The following TMEM259 variants were observed in gnomAD, a reference collection of about 807,000 sequenced individuals.
The protein encoded by TMEM259 is membralin.
TMEM259 carries 26 observed loss-of-function variants against 46.7 expected under a neutral mutation model. The ratio of observed to expected loss-of-function variants is 0.56; its 90% CI spans 0.41 to 0.77. The LOEUF (loss-of-function observed/expected upper bound fraction) is 0.77, where lower values mean the gene tolerates loss of function less well. Among genes scored for constraint, TMEM259 ranks in the 30% least tolerant of loss-of-function variants. TMEM259 has a pLI of 0.00. For synonymous variants in TMEM259, 494 were observed against 395.1 expected (o/e 1.25, Z -2.97); for missense variants, 930 against 900.5 (o/e 1.03, Z -0.42).
Position 1,010,302 on chromosome 19 carries a change from A to G in TMEM259, c.*48T>C. ...CCTCCCCCACCCCCACGGGCTCGGG[A>G]AGGTCAGGCCCAGCCAGCAGGGGTC... On this transcript the variant is annotated 3_prime_UTR_variant, in exon 11 of 11. Coordinates refer to ENST00000356663, the MANE Select transcript of TMEM259 (RefSeq NM_001033026.2). 7.1e-7 allele frequency: 1 copy of G among 1,402,904 alleles called. No homozygotes were observed. Among genetic ancestry groups the G allele is most frequent in the Non-Finnish European group, 9.2e-7 (1 of 1,082,540 alleles). 86.9% of individuals were successfully genotyped at this position (1,402,904 alleles called of 1,614,324 possible). A position where few individuals can be genotyped will look rare whatever the true frequency, so the allele number is the denominator to read the frequency against.
rs934556570 is a variant in TMEM259 at position 1,015,036 on chromosome 19, C to A, written c.226-563G>T. On this transcript the variant is annotated intron_variant, in intron 1 of 10. Coordinates refer to ENST00000356663, the MANE Select transcript of TMEM259 (RefSeq NM_001033026.2). ...CCTCCACAGCCCAACCTGCTGCTTCCTGCCTCACCTTCCGCTGCGTCCCCA... is the reference window on the plus strand; with the variant it reads ...CCTCCACAGCCCAACCTGCTGCTTCATGCCTCACCTTCCGCTGCGTCCCCA... Among the ~76,000 whole-genome samples the A allele has an allele frequency of 2.0e-5, 3 of 152,248 alleles. No homozygotes were observed. The South Asian group carries it at 6.2e-4, about 31-fold the overall frequency.
chr19:1,019,619 G>T (rs369551439), intron 1 of TMEM259, among the ~76,000 whole-genome samples: 1 of 152,158 alleles, frequency 6.6e-6, no homozygotes, highest in African/African-American at 2.4e-5. Flanking sequence ...AGGTCCGCAG[G>T]ACGGCCAAGG....
chr19:1,011,005 G>A, intron 10 of TMEM259, 91 bp downstream of exon 10: 2 of 1,544,602 alleles, frequency 1.3e-6, no homozygotes, highest in South Asian at 1.2e-5. Context: ...GCCCGCTTGG[G>A]CCGACCCCAC....
In TMEM259 at chr19:1,013,335, C is replaced by T; in HGVS notation, c.513G>A (p.Glu171=). Residue 171 remains glutamate, a synonymous_variant, in exon 3 of 11, where the codon GAG becomes GAA. Coordinates refer to ENST00000356663, the MANE Select transcript of TMEM259 (RefSeq NM_001033026.2). Reference sequence around the variant, plus strand: ...TGAACACCTTGGGCTCGATGTCCAGCTCAAACTGTGGGCGACCAGGGACCT... The same window carrying T: ...TGAACACCTTGGGCTCGATGTCCAGTTCAAACTGTGGGCGACCAGGGACCT... ...EMFGNSSIKF[E]LDIEPKVFKP... 1 of 1,613,484 alleles carries T rather than the reference C, an allele frequency of 6.2e-7. No individual in the cohort carries two copies. The highest frequency in any genetic ancestry group is 8.5e-7 in the Non-Finnish European group (1 of 1,179,644).
chr19:1,015,420 C>T (rs2039075662), intron 1 of TMEM259, among the ~76,000 whole-genome samples: 1 of 152,212 alleles, frequency 6.6e-6, no homozygotes, highest in East Asian at 1.9e-4. Context: ...GAGCCCACGC[C>T]CCAGCGTGCT....
At position 1,010,908 on chromosome 19, in the gene TMEM259, G is replaced by T; in HGVS notation, c.1318-13C>A. 1 of 1,587,542 alleles carries T rather than the reference G, an allele frequency of 6.3e-7. No individual in the cohort carries two copies. The highest frequency in any genetic ancestry group is 8.5e-7 in the Non-Finnish European group (1 of 1,174,920). On this transcript the variant is annotated splice_polypyrimidine_tract_variant and intron_variant, in intron 10 of 10. Transcript: ENST00000356663. ...AGATCATGGAATGCTGCGGGAGGGA[G>T]AGTGGGAGTCAGGACGGGCCCGCCC...
chr19:1,017,320 A>T, intron 1 of TMEM259: 1 of 399,346 alleles, frequency 2.5e-6, no homozygotes, highest in East Asian at 3.6e-5. Flanking sequence ...CTCTGCCCGC[A>T]ACCTGGCTCA....
chr19:1,009,755 G>A lies in TMEM259; in HGVS notation c.*595C>T. The A allele has an allele frequency of 2.8e-6, 2 of 723,846 alleles. No individual in the cohort carries two copies. Among genetic ancestry groups the A allele is most frequent in the Non-Finnish European group, 4.0e-6 (2 of 499,350 alleles). 44.8% of individuals were successfully genotyped at this position (723,846 alleles called of 1,614,324 possible). A position where few individuals can be genotyped will look rare whatever the true frequency, so the allele number is the denominator to read the frequency against. On this transcript the variant is annotated 3_prime_UTR_variant, in exon 11 of 11. Transcript: ENST00000356663. ...CTCCGCATTCCTCCCCGAGTGACTGGTTTGGCCGCCGGCCCACTCCATCCC... is the reference window on the plus strand; with the variant it reads ...CTCCGCATTCCTCCCCGAGTGACTGATTTGGCCGCCGGCCCACTCCATCCC...
intron 3 of TMEM259, among the ~76,000 whole-genome samples, chr19:1,012,932 C>T (rs529962566): frequency 1.1e-4 from 16 of 152,014 alleles, no homozygotes; most frequent in African/African-American, 3.6e-4. Flanking sequence ...GGGGTGGGGG[C>T]GGGGGCGGGG....
chr19:1,015,757 G>GC (rs2039086721), intron 1 of TMEM259, among the ~76,000 whole-genome samples: 3 of 152,198 alleles, frequency 2.0e-5, no homozygotes, highest in African/African-American at 7.2e-5. Flanking sequence ...GTGCACCAAT[G>GC]CCCGGGGTGC....
At position 1,013,344 on chromosome 19, in the gene TMEM259, T is replaced by C. The variant is rs1335623094; in HGVS notation, c.508-4A>G. On this transcript the variant is annotated splice_polypyrimidine_tract_variant and splice_region_variant and intron_variant, in intron 2 of 10. Transcript: ENST00000356663. ...TGGGCTCGATGTCCAGCTCAAACTG[T>C]GGGCGACCAGGGACCTGGGTGTCAG... 2 of 1,613,062 alleles carry C rather than the reference T, an allele frequency of 1.2e-6. No individual in the cohort carries two copies. Among genetic ancestry groups the C allele is most frequent in the East Asian group, 2.2e-5 (1 of 44,880 alleles).
Position 1,010,292 on chromosome 19 carries a change from C to G in TMEM259, c.*58G>C. 7.3e-7 allele frequency: 1 copy of G among 1,377,536 alleles called. No homozygotes were observed. Among genetic ancestry groups the G allele is most frequent in the East Asian group, 2.8e-5 (1 of 35,260 alleles). 85.3% of individuals were successfully genotyped at this position (1,377,536 alleles called of 1,614,324 possible). A position where few individuals can be genotyped will look rare whatever the true frequency, so the allele number is the denominator to read the frequency against. ...AGGTGGCTGGCCTCCCCCACCCCCACGGGCTCGGGAAGGTCAGGCCCAGCC... is the reference window on the plus strand; with the variant it reads ...AGGTGGCTGGCCTCCCCCACCCCCAGGGGCTCGGGAAGGTCAGGCCCAGCC... On this transcript the variant is annotated 3_prime_UTR_variant, in exon 11 of 11. Transcript: ENST00000356663.
chr19:1,014,824 G>A (rs2039056883), intron 1 of TMEM259, among the ~76,000 whole-genome samples: 1 of 152,180 alleles, frequency 6.6e-6, no homozygotes, highest in Non-Finnish European at 1.5e-5. Context: ...AGCAGGCCGG[G>A]GCCCTCTCAG....
chr19:1,018,034 C>G (rs562520545), intron 1 of TMEM259, among the ~76,000 whole-genome samples: 3 of 152,264 alleles, frequency 2.0e-5, no homozygotes, highest in East Asian at 3.9e-4. Context: ...CCATTACTCC[C>G]TGTGGCTAGG....
intron 1 of TMEM259, among the ~76,000 whole-genome samples, chr19:1,015,365 C>T (rs1025081918): frequency 2.0e-5 from 3 of 152,184 alleles, no homozygotes; most frequent in Non-Finnish European, 4.4e-5. Flanking sequence ...CTCGGCACCC[C>T]GCAGTGCCCA....
chr19:1,020,798 G>A lies in TMEM259; in HGVS notation c.199C>T (p.Leu67Phe). ...SRLFPPAFRR[L>F]FEFFVLLKAL... ...TTGAGCAGCACGAAGAACTCGAAGA[G>A]ACGGCGGAAGGCGGGCGGGAAGAGC... The change falls in exon 1 of 11, where the codon CTC becomes TTC. Residue 67 changes from leucine to phenylalanine, a missense_variant. Transcript: ENST00000356663. The surrounding 1 kb of genome is among the most constrained non-coding windows in gnomAD (Gnocchi z 4.0). 1 of 1,356,082 alleles carries A rather than the reference G, an allele frequency of 7.4e-7. No individual in the cohort carries two copies. Among genetic ancestry groups the A allele is most frequent in the Non-Finnish European group, 9.5e-7 (1 of 1,050,040 alleles). The allele number at this position is 1,356,082 out of a possible 1,614,324, so 84.0% of individuals were successfully genotyped here.
rs763811002 is a variant in TMEM259 at position 1,013,355 on chromosome 19, G to A, written c.508-15C>T. 26 of 1,612,864 alleles carry A rather than the reference G, an allele frequency of 1.6e-5. No homozygotes were observed. Among genetic ancestry groups the A allele is most frequent in the African/African-American group, 5.3e-5 (4 of 74,932 alleles). On this transcript the variant is annotated splice_polypyrimidine_tract_variant and intron_variant, in intron 2 of 10. Transcript: ENST00000356663. ...TCCAGCTCAAACTGTGGGCGACCAG[G>A]GACCTGGGTGTCAGCAGCGCCAGCC...
rs761788947 is a variant in TMEM259, at chr19:1,011,428, G to A, written c.1156C>T (p.Leu386Phe). 7.1e-5 allele frequency: 112 copies of A among 1,571,216 alleles called. No individual in the cohort carries two copies. Among genetic ancestry groups the A allele is most frequent in the Non-Finnish European group, 9.2e-5 (107 of 1,159,198 alleles). ...TAFYIILIVW[L>F]ADQYDAICCH... ...CAGATGGCGTCATACTGGTCCGCGA[G>A]CCACACGATGAGGATGATGTAGAAG... Residue 386 changes from leucine (L) to phenylalanine (F), a missense_variant, in exon 9 of 11, where the codon CTC becomes TTC. Coordinates refer to ENST00000356663, the MANE Select transcript of TMEM259 (RefSeq NM_001033026.2).
Position 1,010,293 on chromosome 19 carries a change from G to A in TMEM259, c.*57C>T. 2.2e-6 allele frequency: 3 copies of A among 1,381,198 alleles called. No individual in the cohort carries two copies. The highest frequency in any genetic ancestry group is 1.6e-5 in the South Asian group (1 of 62,546). The allele number at this position is 1,381,198 out of a possible 1,614,324, so 85.6% of individuals were successfully genotyped here. A position where few individuals can be genotyped will look rare whatever the true frequency, so the allele number is the denominator to read the frequency against. On this transcript the variant is annotated 3_prime_UTR_variant, in exon 11 of 11. Transcript: ENST00000356663. Reference sequence around the variant, plus strand: ...GGTGGCTGGCCTCCCCCACCCCCACGGGCTCGGGAAGGTCAGGCCCAGCCA... The same window carrying A: ...GGTGGCTGGCCTCCCCCACCCCCACAGGCTCGGGAAGGTCAGGCCCAGCCA...
Sources: allele counts gnomAD v4.1 joint callset (sites outside exome capture counted in the v4.1 genomes callset), GRCh38; gene constraint gnomAD v4.1.1; non-coding constraint Gnocchi (gnomAD v3.1); transcripts MANE v1.5; gene names NCBI Gene and HGNC (gene_info 2026-07-23, HGNC 2026-07-21).